FAT1: variants seen among roughly 807,000 people sequenced by gnomAD.
FAT1 encodes the protein FAT atypical cadherin 1, also known as protocadherin Fat 1.
Under a neutral mutation model 329.8 loss-of-function variants are expected in FAT1, and 171 were observed. That is an observed-to-expected ratio of 0.52 (90% CI 0.46 to 0.59). The LOEUF (loss-of-function observed/expected upper bound fraction) is 0.59, where lower values mean the gene tolerates loss of function less well. FAT1 is among the 20% of genes least tolerant of loss of function. The pLI, the probability that FAT1 is intolerant of heterozygous loss-of-function variation, is 0.00. For missense variants in FAT1, 5,672 were observed against 5,774.4 expected (o/e 0.98, Z 0.57); for synonymous variants, 2,233 against 2,228.6 (o/e 1.00, Z -0.06).
chr4:186,689,786 C>T (rs369445394), intron 2 of FAT1, among the ~76,000 whole-genome samples: 10 of 152,292 alleles, frequency 6.6e-5, no homozygotes, highest in East Asian at 1.9e-4. Context: ...CATGCACACC[C>T]GCCACACGAC....
Position 186,707,991 on chromosome 4 carries a change from C to G in FAT1, c.1837G>C (p.Asp613His). ...GAGTTGGGGTTTAAACTAAAGAAAT[C>G]CAGTTCATTTCCAGCTTCAATCTGA... ...QYQIEAGNELDFFSLNPNSGV... is the reference protein window; with the variant it reads ...QYQIEAGNELHFFSLNPNSGV... Residue 613 changes from aspartate to histidine, a missense_variant, in exon 2 of 27, where the codon GAT becomes CAT. Transcript: ENST00000441802. 6.2e-7 allele frequency: 1 copy of G among 1,613,850 alleles called. No homozygotes were observed. The highest frequency in any genetic ancestry group is 8.5e-7 in the Non-Finnish European group (1 of 1,179,850).
intron 2 of FAT1, among the ~76,000 whole-genome samples, chr4:186,690,523 C>A (rs1283180897): frequency 6.6e-6 from 1 of 152,108 alleles, no homozygotes; most frequent in Non-Finnish European, 1.5e-5. Flanking sequence ...TGGTAAAACT[C>A]CGTCTCTAAT....
chr4:186,618,074 A>G lies in FAT1; in HGVS notation c.8512T>C (p.Ser2838Pro), dbSNP rs2126490910. ...TACATAACTTGGCCGTTGGTTCCTGAGTCAGCATCAGATGCCCTGATCTGA... is the reference window on the plus strand; with the variant it reads ...TACATAACTTGGCCGTTGGTTCCTGGGTCAGCATCAGATGCCCTGATCTGA... ...VIQIRASDAD[S>P]GTNGQVMYSL... The change falls in exon 10 of 27, where the codon TCA becomes CCA. Residue 2838 changes from serine to proline, a missense_variant. Transcript: ENST00000441802. The G allele has an allele frequency of 1.2e-6, 2 of 1,614,024 alleles. No individual in the cohort carries two copies. The highest frequency in any genetic ancestry group is 1.1e-5 in the South Asian group (1 of 91,084).
At position 186,619,916 on chromosome 4, in the gene FAT1, A is replaced by C. The variant is rs1739945607; in HGVS notation, c.6670T>G (p.Phe2224Val). Reference sequence around the variant, plus strand: ...TTGAAGTTAATAGTGAACTGGCTGAAAGGGTCTCCGTCTGTGATGCTGTAG... The same window carrying C: ...TTGAAGTTAATAGTGAACTGGCTGACAGGGTCTCCGTCTGTGATGCTGTAG... ...VFYSITDGDPFSQFTINFNTG... is the reference protein window; with the variant it reads ...VFYSITDGDPVSQFTINFNTG... The change falls in exon 10 of 27, where the codon TTC becomes GTC. Residue 2224 changes from phenylalanine (F) to valine (V), a missense_variant. Around this residue, in one of 2 missense-constraint regions of FAT1, gnomAD observed 3,966 missense variants for 3,915.2 expected, o/e 1.01. Coordinates refer to ENST00000441802, the MANE Select transcript of FAT1 (RefSeq NM_005245.4). 6.2e-7 allele frequency: 1 copy of C among 1,613,862 alleles called. No homozygotes were observed. Among genetic ancestry groups the C allele is most frequent in the African/African-American group, 1.3e-5 (1 of 74,918 alleles).
rs1579332400 is a variant in FAT1 at position 186,619,792 on chromosome 4, G to C, written c.6794C>G (p.Ala2265Gly). The C allele has an allele frequency of 6.2e-7, 1 of 1,614,002 alleles. No homozygotes were observed. The highest frequency in any genetic ancestry group is 2.2e-5 in the East Asian group (1 of 44,880). ...RATDSLTGAHAEVFVDIIVDD... is the reference protein window; with the variant it reads ...RATDSLTGAHGEVFVDIIVDD... ...TACTATGATGTCCACAAATACTTCA[G>C]CATGAGCGCCCGTCAAGGAGTCAGT... The change falls in exon 10 of 27, where the codon GCT (alanine) becomes GGT (glycine). Residue 2265 changes from alanine to glycine, a missense_variant. Around this residue, in one of 2 missense-constraint regions of FAT1, gnomAD observed 3,966 missense variants for 3,915.2 expected, o/e 1.01. Transcript: ENST00000441802.
rs140369218 is a variant in FAT1 at position 186,644,853 on chromosome 4, G to A, written c.3581-5070C>T. Among the ~76,000 whole-genome samples the A allele has an allele frequency of 1.5e-3, 232 of 152,328 alleles. 1 individual carries two copies. Among genetic ancestry groups the A allele is most frequent in the African/African-American group, 5.4e-3 (223 of 41,572 alleles). ...GTGACATGGTCCACACAGCTGGAGC[G>A]ATGAATGCATTCAGTCAACTGTGTT... On this transcript the variant is annotated intron_variant, in intron 3 of 26. Coordinates refer to ENST00000441802, the MANE Select transcript of FAT1 (RefSeq NM_005245.4).
At chr4:186,599,860 G>A (rs750473019) in intron 22 of FAT1, 38 bp downstream of exon 22, 41 of 1,480,870 alleles carry the variant, frequency 2.8e-5, no homozygotes, top group Admixed American at 1.4e-4. Flanking sequence ...ATGTACACAC[G>A]TGCAGCATTT....
At chr4:186,717,731 T>C (rs774837815) in intron 1 of FAT1, among the ~76,000 whole-genome samples, 5 of 152,228 alleles carry the variant, frequency 3.3e-5, no homozygotes, top group Non-Finnish European at 7.3e-5. Flanking sequence ...CGGGTTCTAG[T>C]TGTTCTGTGC....
chr4:186,720,154 A>C (rs146520314), intron 1 of FAT1, among the ~76,000 whole-genome samples: 1 of 152,252 alleles, frequency 6.6e-6, no homozygotes, highest in African/African-American at 2.4e-5. Context: ...TGAAGGCTCT[A>C]AAGTAATGTA....
At chr4:186,605,026 C>T (rs1245358089) in intron 17 of FAT1, among the ~76,000 whole-genome samples, 2 of 151,862 alleles carry the variant, frequency 1.3e-5, no homozygotes, top group African/African-American at 2.4e-5. Context: ...CGAGACCAGC[C>T]TGGCCAACGT....
intron 2 of FAT1, among the ~76,000 whole-genome samples, chr4:186,669,006 A>C (rs1742602164): frequency 6.6e-6 from 1 of 152,210 alleles, no homozygotes; most frequent in Admixed American, 6.5e-5. Context: ...AAAAGGAACC[A>C]ACAAAAACTA....
In FAT1 at chr4:186,628,290, G is replaced by A. The variant is rs2126542700; in HGVS notation, c.4674C>T (p.His1558=). ...IVVNVSDTND[H]APWFTASSYK... is the part of the protein sequence containing the mutation. ...AGGAGGAAGCGGTGAACCACGGGGC[G>A]TGGTCATTCGTGTCGCTGACATTGA... The change falls in exon 9 of 27, where the codon CAC becomes CAT. Residue 1558 remains histidine, a synonymous_variant. Transcript: ENST00000441802. The A allele has an allele frequency of 5.0e-6, 8 of 1,613,714 alleles. No individual in the cohort carries two copies. Among genetic ancestry groups the A allele is most frequent in the Non-Finnish European group, 6.8e-6 (8 of 1,179,760 alleles).
upstream of FAT1, among the ~76,000 whole-genome samples, chr4:186,724,104 G>T (rs563928606): frequency 2.1e-5 from 3 of 146,250 alleles, no homozygotes; most frequent in South Asian, 2.2e-4. This position sits in a 1 kb window ranked among gnomAD's most constrained non-coding sequence, Gnocchi z 5.3. Context: ...TGATGCCGAG[G>T]TTAGTTACGG....
chr4:186,633,986 CAA>C (rs1460197398), intron 6 of FAT1, among the ~76,000 whole-genome samples, 163 bp from the exon 7 acceptor site: 8 of 152,132 alleles, frequency 5.3e-5, no homozygotes, highest in African/African-American at 1.9e-4. Flanking sequence ...ATTAGAAAGA[CAA>C]TGCTTGTTAA....
intron 3 of FAT1, among the ~76,000 whole-genome samples, chr4:186,660,640 G>C (rs1254946912): frequency 6.6e-6 from 1 of 152,192 alleles, no homozygotes; most frequent in African/African-American, 2.4e-5. Flanking sequence ...GTGTGGCTGT[G>C]GACACCTGGA....
chr4:186,665,757 T>C (rs1414557227), intron 2 of FAT1, among the ~76,000 whole-genome samples: 1 of 152,092 alleles, frequency 6.6e-6, no homozygotes, highest in African/African-American at 2.4e-5. Context: ...TGCGGCACTA[T>C]TCACAATAGC....
intron 5 of FAT1, 54 bp from the exon 6 acceptor site, chr4:186,636,289 A>C: frequency 6.6e-7 from 1 of 1,506,762 alleles, no homozygotes; most frequent in Non-Finnish European, 9.2e-7. Flanking sequence ...GTTACAACCC[A>C]GAAATGAATG....
rs114343228 is a variant in FAT1, at chr4:186,659,235, A to G, written c.3580+4064T>C. On this transcript the variant is annotated intron_variant, in intron 3 of 26. Transcript: ENST00000441802. ...AGGCTAGACCATCTAGGTTTGGGTAAGTACACTCTACGTTGTCCACACAAC... is the reference window on the plus strand; with the variant it reads ...AGGCTAGACCATCTAGGTTTGGGTAGGTACACTCTACGTTGTCCACACAAC... Among the ~76,000 whole-genome samples, 230 of 152,318 alleles carry G rather than the reference A, an allele frequency of 1.5e-3. 3 individuals carry two copies. Among genetic ancestry groups the G allele is most frequent in the African/African-American group, 5.3e-3 (219 of 41,570 alleles).
intron 7 of FAT1, among the ~76,000 whole-genome samples, chr4:186,630,146 C>G (rs776198351): frequency 6.6e-6 from 1 of 152,190 alleles, no homozygotes; most frequent in Non-Finnish European, 1.5e-5. Flanking sequence ...CCTCATAGAG[C>G]CACCAGGCTT....
Sources: allele counts gnomAD v4.1 joint callset (sites outside exome capture counted in the v4.1 genomes callset), GRCh38; gene constraint gnomAD v4.1.1; regional missense constraint gnomAD v4.1.1; non-coding constraint Gnocchi (gnomAD v3.1); transcripts MANE v1.5; gene names NCBI Gene and HGNC (gene_info 2026-07-23, HGNC 2026-07-21).